The following ELMO2 variants were observed in gnomAD, a reference collection of about 807,000 sequenced individuals.
The protein encoded by ELMO2 is engulfment and cell motility protein 2.
Under a neutral mutation model 96.2 loss-of-function variants are expected in ELMO2, and 37 were observed. The ratio of observed to expected loss-of-function variants is 0.38; its 90% CI spans 0.30 to 0.51. The LOEUF (loss-of-function observed/expected upper bound fraction) is 0.51. ELMO2 is among the 20% of genes least tolerant of loss of function. ELMO2 has a pLI of 0.88. For missense variants in ELMO2, 561 were observed against 912.6 expected (o/e 0.61, Z 4.96); for synonymous variants, 315 against 329.4 (o/e 0.96, Z 0.47).
In ELMO2 at chr20:46,382,350, A is replaced by G; in HGVS notation, c.756+1066T>C. 3 of 999,760 alleles carry G rather than the reference A, an allele frequency of 3.0e-6. No homozygotes were observed. In the South Asian group the frequency reaches 4.0e-5, roughly 13 times the overall value. 61.9% of individuals were successfully genotyped at this position (999,760 alleles called of 1,614,324 possible). On this transcript the variant is annotated intron_variant, in intron 10 of 21. Transcript: ENST00000290246. ...TTAACAGAGCCAAGCCATCCAAGAA[A>G]GACAAGGACAGACAGAACCACAGAT...
In ELMO2 at chr20:46,389,361, T is replaced by G; in HGVS notation, c.244-141A>C. The G allele has an allele frequency of 5.0e-6, 4 of 807,474 alleles. No homozygotes were observed. In the South Asian group the frequency reaches 7.2e-5, roughly 15 times the overall value. The allele number at this position is 807,474 out of a possible 1,614,324, so 50.0% of individuals were successfully genotyped here. On this transcript the variant is annotated intron_variant, in intron 6 of 21. Coordinates refer to ENST00000290246, the MANE Select transcript of ELMO2 (RefSeq NM_133171.5). ...TTCACACAGCTTAGGAGTTGCTAAA[T>G]AAATGTTTGTGGAATCAATCAGGGA...
In ELMO2 at chr20:46,375,544, T is replaced by G. The variant is rs2059843709; in HGVS notation, c.930+124A>C. On this transcript the variant is annotated intron_variant, in intron 12 of 21. Transcript: ENST00000290246. This position sits in a 1 kb window ranked among gnomAD's most constrained non-coding sequence, Gnocchi z 4.6. The stretch of plus-strand genomic sequence containing the variant: ...GCTTGGCTCATGGTGCAGATCATGC[T>G]AGATTTTCTAGGGCAGATGCAAACT... 1 of 1,518,632 alleles carries G rather than the reference T, an allele frequency of 6.6e-7. No individual in the cohort carries two copies. The highest frequency in any genetic ancestry group is 1.4e-5 in the African/African-American group (1 of 72,924). The allele number at this position is 1,518,632 out of a possible 1,614,324, so 94.1% of individuals were successfully genotyped here.
intron 8 of ELMO2, among the ~76,000 whole-genome samples, chr20:46,386,997 T>C (rs1166311518): frequency 6.6e-6 from 1 of 152,142 alleles, no homozygotes; most frequent in Admixed American, 6.6e-5. Flanking sequence ...TTTTTTTATA[T>C]ATATACAAAA....
intron 10 of ELMO2, 84 bp downstream of exon 10, chr20:46,383,332 T>G (rs940078896): frequency 1.5e-6 from 2 of 1,354,806 alleles, no homozygotes; most frequent in African/African-American, 2.9e-5. Context: ...GCTGGATTTG[T>G]GCTCTCTGCA....
rs552961772 is a variant in ELMO2 at position 46,386,417 on chromosome 20, G to A, written c.526-142C>T. The A allele has an allele frequency of 1.5e-4, 162 of 1,094,950 alleles. No individual in the cohort carries two copies. In the Admixed American group the frequency reaches 2.0e-3, roughly 14 times the overall value. The allele number at this position is 1,094,950 out of a possible 1,614,324, so 67.8% of individuals were successfully genotyped here. A position where few individuals can be genotyped will look rare whatever the true frequency, so the allele number is the denominator to read the frequency against. ...AGGTGGATAGTGGTATCTGGTTTAC[G>A]GCTACCCTGGCCAATGTGCCAGGGA... On this transcript the variant is annotated intron_variant, in intron 8 of 21. Coordinates refer to ENST00000290246, the MANE Select transcript of ELMO2 (RefSeq NM_133171.5).
Position 46,398,840 on chromosome 20 carries a change from A to G in ELMO2, c.-125-69T>C, listed in dbSNP as rs941425913. On this transcript the variant is annotated intron_variant, in intron 1 of 21. Coordinates refer to ENST00000290246, the MANE Select transcript of ELMO2 (RefSeq NM_133171.5). ...AAATAAAACTAAATCAACCCAACAC[A>G]TCAGAACTGGGTCTCAAGCCTAGGT... The G allele has an allele frequency of 2.0e-5, 3 of 152,230 alleles. No individual in the cohort carries two copies. In the South Asian group the frequency reaches 6.2e-4, roughly 32 times the overall value. The allele number at this position is 152,230 out of a possible 1,614,324, so 9.4% of individuals were successfully genotyped here. A position where few individuals can be genotyped will look rare whatever the true frequency, so the allele number is the denominator to read the frequency against.
intron 16 of ELMO2, 128 bp from the exon 17 acceptor site, chr20:46,372,097 G>C (rs895029663): frequency 2.1e-5 from 23 of 1,080,680 alleles, no homozygotes; most frequent in Middle Eastern, 6.2e-4. Flanking sequence ...ACATCTGCTG[G>C]GTGAGTAAGG....
intron 2 of ELMO2, among the ~76,000 whole-genome samples, chr20:46,396,338 T>C (rs1455481817): frequency 6.6e-6 from 1 of 152,162 alleles, no homozygotes; most frequent in Non-Finnish European, 1.5e-5. Context: ...GACTGCACGG[T>C]TGTGAGGTCA....
intron 10 of ELMO2, among the ~76,000 whole-genome samples, chr20:46,381,789 T>C (rs1027227671): frequency 1.6e-4 from 25 of 152,282 alleles, no homozygotes; most frequent in African/African-American, 3.9e-4. Context: ...CTTTTGTCGA[T>C]TGTCTAAACC....
At chr20:46,376,041 A>C (rs772970680) in intron 11 of ELMO2, among the ~76,000 whole-genome samples, 4 of 152,204 alleles carry the variant, frequency 2.6e-5, no homozygotes, top group Non-Finnish European at 4.4e-5. Flanking sequence ...GAGTGAAGGC[A>C]GGGGCTATAC....
In ELMO2 at chr20:46,393,574, A is replaced by G. The variant is rs750216428; in HGVS notation, c.147T>C (p.Tyr49=). ...GAGGACCATCTGCATAACGGAGGGTATAATACTCTGGGTTTGGCAACGACC... is the reference window on the plus strand; with the variant it reads ...GAGGACCATCTGCATAACGGAGGGTGTAATACTCTGGGTTTGGCAACGACC... The part of the protein sequence containing the change: ...DGWSLPNPEY[Y]TLRYADGPQL... The change falls in exon 5 of 22, where the codon TAT becomes TAC. Residue 49 remains tyrosine, a synonymous_variant. Transcript: ENST00000290246. 45 of 1,613,912 alleles carry G rather than the reference A, an allele frequency of 2.8e-5. No homozygotes were observed. Among genetic ancestry groups the G allele is most frequent in the Admixed American group, 6.7e-5 (4 of 60,006 alleles).
Position 46,386,253 on chromosome 20 carries a change from G to T in ELMO2, c.548C>A (p.Pro183His). Residue 183 changes from proline (P) to histidine (H), a missense_variant, in exon 9 of 22, where the codon CCC (proline) becomes CAC (histidine). Physicochemically the swap from Pro to His is moderately conservative, Grantham distance 77. Transcript: ENST00000290246. ...CTGAAGGATTGACACGTCCACCATG[G>T]GCTGGCTCACATACCCTGCAATCTA... ...IKQIAGYVSQ[P>H]MVDVSILQRS... The T allele has an allele frequency of 1.2e-6, 2 of 1,614,026 alleles. No individual in the cohort carries two copies. Among genetic ancestry groups the T allele is most frequent in the Non-Finnish European group, 1.7e-6 (2 of 1,179,984 alleles).
rs902932690 is a variant in ELMO2, at chr20:46,367,147, T to C, written c.*213A>G. ...AATCCCAGGCTTCATGGTGATGGAGTGGGCAGAGCACCCTGCCTTCATGAC... is the reference window on the plus strand; with the variant it reads ...AATCCCAGGCTTCATGGTGATGGAGCGGGCAGAGCACCCTGCCTTCATGAC... On this transcript the variant is annotated 3_prime_UTR_variant, in exon 22 of 22. Transcript: ENST00000290246. 7 of 433,578 alleles carry C rather than the reference T, an allele frequency of 1.6e-5. No homozygotes were observed. The highest frequency in any genetic ancestry group is 1.3e-4 in the Admixed American group (3 of 22,870). 26.9% of individuals were successfully genotyped at this position (433,578 alleles called of 1,614,324 possible).
chr20:46,388,808 T>C (rs1003533623), intron 7 of ELMO2, among the ~76,000 whole-genome samples: 4 of 152,200 alleles, frequency 2.6e-5, no homozygotes, highest in African/African-American at 9.7e-5. Flanking sequence ...CTTGGCACAG[T>C]ACTGTTTTGT....
chr20:46,372,756 C>T (rs1157134427), intron 16 of ELMO2: 1 of 152,264 alleles, frequency 6.6e-6, no homozygotes, highest in Non-Finnish European at 1.5e-5. Flanking sequence ...ACTGCATGCG[C>T]AGTATGATCT....
In ELMO2 at chr20:46,371,986, C is replaced by G; in HGVS notation, c.1417-17G>C. 1 of 1,613,006 alleles carries G rather than the reference C, an allele frequency of 6.2e-7. No homozygotes were observed. ...TTGCATAACCTAAGAGGAGAAGAAC[C>G]CAGCCAACTCACACCACTACTCTTG... is the stretch of plus-strand genomic sequence containing the variant. On this transcript the variant is annotated splice_polypyrimidine_tract_variant and intron_variant, in intron 16 of 21. Coordinates refer to ENST00000290246, the MANE Select transcript of ELMO2 (RefSeq NM_133171.5). This position sits in a 1 kb window ranked among gnomAD's most constrained non-coding sequence, Gnocchi z 5.9.
Position 46,386,399 on chromosome 20 carries a change from T to C in ELMO2, c.526-124A>G, listed in dbSNP as rs1180370712. 10 of 1,336,338 alleles carry C rather than the reference T, an allele frequency of 7.5e-6. No individual in the cohort carries two copies. The African/African-American group carries it at 1.3e-4, about 17-fold the overall frequency. 82.8% of individuals were successfully genotyped at this position (1,336,338 alleles called of 1,614,324 possible). On this transcript the variant is annotated intron_variant, in intron 8 of 21. Coordinates refer to ENST00000290246, the MANE Select transcript of ELMO2 (RefSeq NM_133171.5). ...ATTTGGGCAGCTGTTGCTAGGTGGA[T>C]AGTGGTATCTGGTTTACGGCTACCC...
chr20:46,373,593 CTCA>C lies in ELMO2; in HGVS notation c.1280-61_1280-59del, dbSNP rs1170052923. The C allele has an allele frequency of 1.9e-6, 3 of 1,588,782 alleles. No homozygotes were observed. The East Asian group carries it at 6.8e-5, about 36-fold the overall frequency. ...GCCTCTGTCCACAAGGGCCTGGGAG[CTCA>C]TGTCTGGAAACTTTGCACCAAAGTC... On this transcript the variant is annotated intron_variant, in intron 15 of 21. Transcript: ENST00000290246.
intron 10 of ELMO2, 107 bp from the exon 11 acceptor site, chr20:46,380,410 A>G: frequency 1.1e-6 from 1 of 903,092 alleles, no homozygotes; most frequent in African/African-American, 1.7e-5. Context: ...TGCTTTCTTA[A>G]ATTTTTTTCC....
Sources: allele counts gnomAD v4.1 joint callset (sites outside exome capture counted in the v4.1 genomes callset), GRCh38; gene constraint gnomAD v4.1.1; non-coding constraint Gnocchi (gnomAD v3.1); transcripts MANE v1.5; gene names NCBI Gene and HGNC (gene_info 2026-07-23, HGNC 2026-07-21).